The following ST7 variants were observed in gnomAD, a reference collection of about 807,000 sequenced individuals.
ST7 encodes suppression of tumorigenicity 7.
ST7 carries 28 observed loss-of-function variants against 78.7 expected under a neutral mutation model. The observed-to-expected ratio is 0.36, with a 90% CI of 0.26 to 0.49. The LOEUF (loss-of-function observed/expected upper bound fraction) is 0.49, where lower values mean the gene tolerates loss of function less well. Among genes scored for constraint, ST7 ranks in the 20% least tolerant of loss-of-function variants. The probability of loss-of-function intolerance (pLI) is 0.99; values close to 1 mark genes in which losing one functional copy is unlikely to be tolerated. For synonymous variants in ST7, 247 were observed against 249.6 expected (o/e 0.99, Z 0.10); for missense variants, 418 against 696.0 (o/e 0.60, Z 4.49).
chr7:117,082,669 C>G (rs1053965447), intron 1 of ST7, among the ~76,000 whole-genome samples: 3 of 152,184 alleles, frequency 2.0e-5, no homozygotes, highest in South Asian at 2.1e-4. Flanking sequence ...ACCAGAGAAG[C>G]ATTGCTTTTA....
intron 12 of ST7, among the ~76,000 whole-genome samples, chr7:117,208,197 A>C (rs1791955803): frequency 6.6e-6 from 1 of 152,204 alleles, no homozygotes; most frequent in African/African-American, 2.4e-5. Flanking sequence ...GTTTTAAAAC[A>C]AGACATTAGG....
intron 1 of ST7, among the ~76,000 whole-genome samples, chr7:117,064,526 C>T (rs1467037457): frequency 2.6e-5 from 4 of 152,150 alleles, no homozygotes; most frequent in African/African-American, 4.8e-5. Flanking sequence ...GCAGGACCAA[C>T]GTGTTGGGGT....
chr7:116,956,384 TAAA>T (rs1450697074), intron 1 of ST7: 1 of 439,662 alleles, frequency 2.3e-6, no homozygotes. Flanking sequence ...CAGGGAGGTC[TAAA>T]AGAGTTCTAA....
intron 9 of ST7, among the ~76,000 whole-genome samples, chr7:117,155,013 G>C (rs1001816152): frequency 6.6e-6 from 1 of 152,122 alleles, no homozygotes; most frequent in Admixed American, 6.6e-5. Context: ...TACCAGCATG[G>C]GGAGGGGAGA....
intron 10 of ST7, among the ~76,000 whole-genome samples, chr7:117,179,472 A>G (rs1041588168): frequency 6.6e-6 from 1 of 152,262 alleles, no homozygotes; most frequent in Non-Finnish European, 1.5e-5. Context: ...ACTTTAGCCC[A>G]GGATGGAAGG....
rs530251836 is a variant in ST7 at position 117,185,925 on chromosome 7, AAAAT to A, written c.1079-3388_1079-3385del. On this transcript the variant is annotated intron_variant, in intron 10 of 15. Transcript: ENST00000323984. ...GCGACAGAGCGAGACTCTGTCTCAA[AAAAT>A]AAATAAAATAAAAATAATAAATAAA... 7.0e-4 allele frequency among the ~76,000 whole-genome samples: 106 copies of A among 152,364 alleles called. 3 individuals carry two copies. The South Asian group carries it at 0.021, about 30-fold the overall frequency.
At chr7:117,094,211 C>T (rs1052402467) in intron 1 of ST7, among the ~76,000 whole-genome samples, 3 of 152,098 alleles carry the variant, frequency 2.0e-5, no homozygotes, top group Non-Finnish European at 2.9e-5. Context: ...TATCTAATTC[C>T]CCACCAGTGC....
At chr7:117,151,526 C>G (rs1316340863) in intron 9 of ST7, among the ~76,000 whole-genome samples, 1 of 151,612 alleles carries the variant, frequency 6.6e-6, no homozygotes, top group African/African-American at 2.4e-5. Flanking sequence ...CACAAACACT[C>G]ATGTGCACAC....
At chr7:117,148,272 CTT>C (rs1042781724) in intron 9 of ST7, among the ~76,000 whole-genome samples, 85 of 152,152 alleles carry the variant, frequency 5.6e-4, no homozygotes, top group Admixed American at 6.5e-4. Context: ...TATAATGTCT[CTT>C]ATATTTATCT....
intron 2 of ST7, among the ~76,000 whole-genome samples, chr7:117,113,961 C>A (rs998401798): frequency 8.5e-5 from 13 of 152,168 alleles, no homozygotes; most frequent in African/African-American, 3.1e-4. Flanking sequence ...AAATCTCATC[C>A]TGTGAACTTA....
intron 10 of ST7, among the ~76,000 whole-genome samples, chr7:117,186,872 T>C (rs371443201): frequency 6.6e-6 from 1 of 152,234 alleles, no homozygotes; most frequent in African/African-American, 2.4e-5. Context: ...AGAAACAATG[T>C]TGTGATGAAC....
intron 9 of ST7, among the ~76,000 whole-genome samples, chr7:117,158,366 A>G (rs1325683166): frequency 6.6e-6 from 1 of 152,228 alleles, no homozygotes; most frequent in African/African-American, 2.4e-5. Flanking sequence ...TCTTTGGACT[A>G]AACGGATCAC....
At chr7:117,017,270 G>C (rs1351453233) in intron 1 of ST7, among the ~76,000 whole-genome samples, 1 of 152,122 alleles carries the variant, frequency 6.6e-6, no homozygotes, top group Non-Finnish European at 1.5e-5. Flanking sequence ...CACTCACTAA[G>C]ATACAAGCTT....
At chr7:117,159,250 T>C (rs1256438085) in intron 9 of ST7, among the ~76,000 whole-genome samples, 1 of 152,220 alleles carries the variant, frequency 6.6e-6, no homozygotes, top group Non-Finnish European at 1.5e-5. Context: ...AGCTCATAAA[T>C]GTTAACCTCA....
At chr7:117,104,975 A>C (rs1419972178) in intron 2 of ST7, among the ~76,000 whole-genome samples, 1 of 152,208 alleles carries the variant, frequency 6.6e-6, no homozygotes, top group Non-Finnish European at 1.5e-5. Context: ...GGATCCTGGC[A>C]AAACAAGTTA....
At chr7:117,164,853 G>C (rs1326548120) in intron 9 of ST7, among the ~76,000 whole-genome samples, 2 of 150,888 alleles carry the variant, frequency 1.3e-5, no homozygotes, top group African/African-American at 4.9e-5. Context: ...GTTTTTTGGT[G>C]GGGCGGGGGT....
At chr7:116,962,800 G>A (rs186467583) in intron 1 of ST7, among the ~76,000 whole-genome samples, 1 of 152,160 alleles carries the variant, frequency 6.6e-6, no homozygotes, top group Admixed American at 6.5e-5. Context: ...TGACTCTGGG[G>A]TTTTCTAGAT....
chr7:116,963,882 C>T (rs149851141), intron 1 of ST7, among the ~76,000 whole-genome samples: 6 of 152,198 alleles, frequency 3.9e-5, no homozygotes, highest in East Asian at 1.9e-4. Context: ...CCGCCCGCCT[C>T]GGCCTCCCAA....
intron 12 of ST7, among the ~76,000 whole-genome samples, chr7:117,195,427 G>A (rs1360453249): frequency 2.0e-5 from 3 of 152,074 alleles, no homozygotes; most frequent in African/African-American, 7.2e-5. Context: ...AAATTTTTAG[G>A]TGTACAGTAC....
Sources: gnomAD v4.1 joint callset for allele counts (sites outside exome capture counted in the v4.1 genomes callset) on GRCh38, gnomAD v4.1.1 for gene constraint, MANE v1.5 for transcripts, NCBI Gene and HGNC (gene_info 2026-07-23, HGNC 2026-07-21) for gene names.